Variants in SRL observed in about 807,000 individuals in gnomAD.
The protein encoded by SRL is sarcalumenin.
In SRL, 23 loss-of-function variants were observed where a neutral mutation model predicts 39.5. The observed-to-expected ratio is 0.58, with a 90% CI of 0.42 to 0.82. The LOEUF (loss-of-function observed/expected upper bound fraction) is 0.82, where lower values mean the gene tolerates loss of function less well. Among genes scored for constraint, SRL ranks in the 40% least tolerant of loss-of-function variants. The pLI, the probability that SRL is intolerant of heterozygous loss-of-function variation, is 0.00. For missense variants in SRL, 592 were observed against 607.8 expected, an observed-to-expected ratio of 0.97 and a Z score of 0.27; for synonymous variants, 272 against 237.4, an observed-to-expected ratio of 1.15 and a Z score of -1.34.
intron 1 of SRL, among the ~76,000 whole-genome samples, chr16:4,219,738 GGT>G (rs1483954268): frequency 2.0e-5 from 3 of 152,194 alleles, no homozygotes; most frequent in African/African-American, 7.2e-5. Context: ...TGAGGTTACA[GGT>G]GTGAGCCACC....
chr16:4,203,291 A>T, intron 2 of SRL, 30 bp from the exon 3 acceptor site: 1 of 1,593,758 alleles, frequency 6.3e-7, no homozygotes, highest in Non-Finnish European at 8.6e-7. Flanking sequence ...GGGGAAGAGC[A>T]TCACGCAGGT....
chr16:4,217,538 C>T (rs1224114185), intron 1 of SRL, among the ~76,000 whole-genome samples: 1 of 152,200 alleles, frequency 6.6e-6, no homozygotes, highest in Non-Finnish European at 1.5e-5. Flanking sequence ...AGGCGTGAGC[C>T]ACTGGCCCCT....
intron 1 of SRL, among the ~76,000 whole-genome samples, chr16:4,233,806 C>T (rs1382873987): frequency 6.6e-6 from 1 of 152,166 alleles, no homozygotes; most frequent in Non-Finnish European, 1.5e-5. Context: ...GCATCTGAGT[C>T]TGAGATTGTG....
At chr16:4,234,557 TA>T (rs2052695285) in intron 1 of SRL, among the ~76,000 whole-genome samples, 2 of 152,154 alleles carry the variant, frequency 1.3e-5, no homozygotes. Context: ...ACTTCTCTGA[TA>T]TTAGAGAAGG....
In SRL at chr16:4,192,964, C is replaced by G. The variant is rs1464483507; in HGVS notation, c.611G>C (p.Gly204Ala). ...CTGGCACACGTCGTTGAAGGGGTAG[C>G]CTTTGGGAGACAGAAGTGAGAAGTC... ...IIENRKQQER[G>A]YPFNDVCQWF... is the part of the protein sequence containing the mutation. The change falls in exon 6 of 6, where the codon GGC becomes GCC. Residue 204 changes from glycine (G) to alanine (A), a missense_variant and splice_region_variant. Physicochemically the swap from Gly to Ala is moderately conservative, Grantham distance 60. Transcript: ENST00000399609. This position sits in a 1 kb window ranked among gnomAD's most constrained non-coding sequence, Gnocchi z 4.0. 13 of 1,604,066 alleles carry G rather than the reference C, an allele frequency of 8.1e-6. No individual in the cohort carries two copies. Among genetic ancestry groups the G allele is most frequent in the Non-Finnish European group, 1.1e-5 (13 of 1,175,518 alleles).
At chr16:4,197,678 G>C (rs12449233) in intron 4 of SRL, 121 bp downstream of exon 4, 2 of 793,274 alleles carry the variant, frequency 2.5e-6, no homozygotes, top group African/African-American at 1.7e-5. Context: ...CCACTGCCTT[G>C]GCCTCCCAAT....
At chr16:4,218,803 T>G (rs11864532) in intron 1 of SRL, among the ~76,000 whole-genome samples, 18,147 of 152,202 alleles carry the variant, frequency 0.12, 1,753 homozygotes, top group African/African-American at 0.27. Context: ...AGCCGGCGGT[T>G]CCCAAGTCTA....
intron 1 of SRL, among the ~76,000 whole-genome samples, chr16:4,241,701 G>C (rs1036777705): frequency 2.6e-5 from 4 of 152,130 alleles, no homozygotes; most frequent in African/African-American, 9.7e-5. Flanking sequence ...TCTCGACTTT[G>C]AGGGCCCTCT....
At chr16:4,240,216 C>T (rs906589910) in intron 1 of SRL, among the ~76,000 whole-genome samples, 3 of 152,130 alleles carry the variant, frequency 2.0e-5, no homozygotes, top group African/African-American at 7.2e-5. Flanking sequence ...AGTTAGCACA[C>T]AGCGGAGAGA....
chr16:4,195,193 C>G (rs1009694928), intron 5 of SRL, among the ~76,000 whole-genome samples: 2 of 152,112 alleles, frequency 1.3e-5, no homozygotes, highest in African/African-American at 4.8e-5. Flanking sequence ...CTGTGCCCAG[C>G]CTTATTTATT....
At chr16:4,212,689 C>A (rs1403631618) in intron 1 of SRL, among the ~76,000 whole-genome samples, 1 of 152,186 alleles carries the variant, frequency 6.6e-6, no homozygotes, top group Admixed American at 6.5e-5. Flanking sequence ...ACAGGAATAG[C>A]AGGCCCCAAC....
chr16:4,199,364 C>CTTTTTTTTT (rs71139622), intron 3 of SRL, among the ~76,000 whole-genome samples: 9 of 84,606 alleles, frequency 1.1e-4, no homozygotes, highest in Admixed American at 1.8e-4. Context: ...TATTCCCCAT[C>CTTTTTTTTT]TTTTTTTTTT....
chr16:4,237,656 C>T (rs1304562975), intron 1 of SRL, among the ~76,000 whole-genome samples: 5 of 152,196 alleles, frequency 3.3e-5, no homozygotes, highest in East Asian at 3.9e-4. Context: ...TCCATCTGCC[C>T]GCCTTCATGC....
At chr16:4,209,997 A>G (rs2052373003) in intron 1 of SRL, among the ~76,000 whole-genome samples, 2 of 152,154 alleles carry the variant, frequency 1.3e-5, no homozygotes, top group African/African-American at 2.4e-5. Context: ...CCTTCTCTTC[A>G]GGCTCAAGCT....
chr16:4,239,111 C>A (rs1467221750), intron 1 of SRL, among the ~76,000 whole-genome samples: 1 of 152,330 alleles, frequency 6.6e-6, no homozygotes, highest in East Asian at 1.9e-4. Context: ...GCTACATTTT[C>A]TCAGCAGCCC....
In SRL at chr16:4,192,358, C is replaced by T; in HGVS notation, c.1217G>A (p.Gly406Asp). 6.2e-7 allele frequency: 1 copy of T among 1,614,158 alleles called. No individual in the cohort carries two copies. The highest frequency in any genetic ancestry group is 8.5e-7 in the Non-Finnish European group (1 of 1,180,052). ...TTTGAAACTGGAAATGGGATTGATG[C>T]CGAAGAAGTCCTTATAGGCCTCGCG... The part of the protein sequence containing the change: ...PNREAYKDFF[G>D]INPISSFKLL... Residue 406 changes from glycine to aspartate, a missense_variant, in exon 6 of 6, where the codon GGC (glycine) becomes GAC (aspartate). Physicochemically the swap from Gly to Asp is moderately conservative, Grantham distance 94 (BLOSUM62 -1). Transcript: ENST00000399609. This position sits in a 1 kb window ranked among gnomAD's most constrained non-coding sequence, Gnocchi z 4.0.
chr16:4,192,301 C>T lies in SRL; in HGVS notation c.1274G>A (p.Gly425Asp). ...CCGCTCAATCTTCTCCAGAAAGCAA[C>T]CTCCCATGTAGGAGCACTGCTGGGA... The part of the protein sequence containing the change: ...LLSQQCSYMG[G>D]CFLEKIERAI... Residue 425 changes from glycine to aspartate, a missense_variant, in exon 6 of 6, where the codon GGT (glycine) becomes GAT (aspartate). By Grantham distance (94) the Gly-to-Asp change is moderately conservative. Transcript: ENST00000399609. This position sits in a 1 kb window ranked among gnomAD's most constrained non-coding sequence, Gnocchi z 4.0. 1 of 1,614,148 alleles carries T rather than the reference C, an allele frequency of 6.2e-7. No individual in the cohort carries two copies. Among genetic ancestry groups the T allele is most frequent in the East Asian group, 2.2e-5 (1 of 44,878 alleles).
chr16:4,208,192 T>C, intron 1 of SRL: 2 of 370,604 alleles, frequency 5.4e-6, no homozygotes, highest in Admixed American at 7.1e-5. Flanking sequence ...GCTCCCGTCT[T>C]CTGGGATGTG....
intron 1 of SRL, among the ~76,000 whole-genome samples, chr16:4,229,510 C>T (rs2052635818): frequency 6.6e-6 from 1 of 151,984 alleles, no homozygotes; most frequent in Non-Finnish European, 1.5e-5. Flanking sequence ...GTCATTATCC[C>T]AAGCGAATTA....
Sources: allele counts gnomAD v4.1 joint callset (sites outside exome capture counted in the v4.1 genomes callset), GRCh38; gene constraint gnomAD v4.1.1; non-coding constraint Gnocchi (gnomAD v3.1); transcripts MANE v1.5; gene names NCBI Gene and HGNC (gene_info 2026-07-23, HGNC 2026-07-21).